The following GK5 variants were observed in gnomAD, a reference collection of about 807,000 sequenced individuals.
GK5 encodes glycerol kinase 5, also known as ATP:glycerol 3-phosphotransferase 5.
Under a neutral mutation model 77.3 loss-of-function variants are expected in GK5, and 39 were observed. The observed-to-expected ratio is 0.50, with a 90% CI of 0.39 to 0.66. The LOEUF (loss-of-function observed/expected upper bound fraction) is 0.66. Among genes scored for constraint, GK5 ranks in the 30% least tolerant of loss-of-function variants. GK5 has a pLI of 0.00. For missense variants in GK5, 487 were observed against 633.8 expected, an observed-to-expected ratio of 0.77 and a Z score of 2.49; for synonymous variants, 211 against 208.0, an observed-to-expected ratio of 1.01 and a Z score of -0.13.
intron 2 of GK5, among the ~76,000 whole-genome samples, chr3:142,215,141 G>A (rs1411159967): frequency 6.6e-6 from 1 of 152,108 alleles, no homozygotes; most frequent in Admixed American, 6.5e-5. Context: ...CATTCTTAAA[G>A]AACTAAGACT....
At chr3:142,176,907 C>T (rs1000232643) in intron 12 of GK5, among the ~76,000 whole-genome samples, 11 of 151,942 alleles carry the variant, frequency 7.2e-5, no homozygotes, top group Admixed American at 2.0e-4. Context: ...GTGATCCACC[C>T]GCCTCGGCCT....
rs527328894 is a variant in GK5, at chr3:142,168,225, G to A, written c.1441+2100C>T. Among the ~76,000 whole-genome samples, 8 of 152,144 alleles carry A rather than the reference G, an allele frequency of 5.3e-5. 1 individual carries two copies. The South Asian group carries it at 1.0e-3, about 20-fold the overall frequency. Reference sequence around the variant, plus strand: ...CAATTTGTTTGTTGTTTAAGTATTCGTGATTTACCTTGTTACAGTTCTAAG... The same window carrying A: ...CAATTTGTTTGTTGTTTAAGTATTCATGATTTACCTTGTTACAGTTCTAAG... On this transcript the variant is annotated intron_variant, in intron 15 of 15. Transcript: ENST00000392993.
At chr3:142,190,114 A>AAAT (rs1484157392) in intron 5 of GK5, among the ~76,000 whole-genome samples, 1 of 152,218 alleles carries the variant, frequency 6.6e-6, no homozygotes, top group Non-Finnish European at 1.5e-5. Flanking sequence ...TAGAACTAAA[A>AAAT]TATTAAGAAC....
At chr3:142,196,381 C>T (rs754321475) in intron 5 of GK5, among the ~76,000 whole-genome samples, 6 of 151,736 alleles carry the variant, frequency 4.0e-5, no homozygotes, top group East Asian at 1.9e-4. Context: ...TTTTCCATGT[C>T]GTAAGGTAGA....
intron 4 of GK5, chr3:142,204,180 A>G (rs1415350214): frequency 5.3e-6 from 1 of 189,248 alleles, no homozygotes; most frequent in Non-Finnish European, 1.1e-5. Flanking sequence ...CACCATGTTC[A>G]GCTAATTTTG....
chr3:142,185,823 T>C, intron 9 of GK5, 106 bp downstream of exon 9: 2 of 1,552,322 alleles, frequency 1.3e-6, no homozygotes. Context: ...ACTTTAATCT[T>C]ACTCTGCCAA....
At chr3:142,210,673 C>G (rs945984999) in intron 3 of GK5, among the ~76,000 whole-genome samples, 4 of 152,196 alleles carry the variant, frequency 2.6e-5, no homozygotes, top group African/African-American at 4.8e-5. Flanking sequence ...CAATGAATTG[C>G]TTTAGGAAGA....
chr3:142,221,140 A>G (rs2064341147), intron 1 of GK5, among the ~76,000 whole-genome samples: 1 of 152,268 alleles, frequency 6.6e-6, no homozygotes, highest in Non-Finnish European at 1.5e-5. Context: ...CTCTGAGGAT[A>G]CAGTGACAAT....
chr3:142,173,480 C>T (rs576872159), intron 12 of GK5, among the ~76,000 whole-genome samples: 12 of 152,108 alleles, frequency 7.9e-5, no homozygotes, highest in African/African-American at 2.4e-4. Context: ...GTCAGGAGTT[C>T]GAAACCAGCC....
intron 9 of GK5, chr3:142,185,634 C>G: frequency 1.7e-6 from 2 of 1,176,016 alleles, no homozygotes; most frequent in Non-Finnish European, 2.1e-6. Context: ...CTAAATACCA[C>G]TCAGAATTAA....
chr3:142,200,087 C>CTA (rs746964293), intron 4 of GK5, among the ~76,000 whole-genome samples: 2,418 of 149,394 alleles, frequency 0.016, 27 homozygotes, highest in Non-Finnish European at 0.021. Flanking sequence ...TTCTTTATTT[C>CTA]TATATATATA....
chr3:142,198,057 T>C (rs1577133441), intron 5 of GK5, among the ~76,000 whole-genome samples: 2 of 149,980 alleles, frequency 1.3e-5, no homozygotes, highest in African/African-American at 4.9e-5. Context: ...TATATACACA[T>C]TCATGCCCTA....
rs987930831 is a variant in GK5 at position 142,162,157 on chromosome 3, C to T, written c.*3465G>A. On this transcript the variant is annotated 3_prime_UTR_variant, in exon 16 of 16. Coordinates refer to ENST00000392993, the MANE Select transcript of GK5 (RefSeq NM_001039547.3). ...TAGATACCCTATTTATTTCAAGATA[C>T]GATTAACTAATTTTTTTGCTAACAA... The T allele has an allele frequency of 2.6e-5, 4 of 152,060 alleles. No individual in the cohort carries two copies. Among genetic ancestry groups the T allele is most frequent in the Non-Finnish European group, 2.9e-5 (2 of 68,018 alleles). 9.4% of individuals were successfully genotyped at this position (152,060 alleles called of 1,614,324 possible).
At position 142,197,350 on chromosome 3, in the gene GK5, C is replaced by G. The variant is rs116312207; in HGVS notation, c.543+1452G>C. On this transcript the variant is annotated intron_variant, in intron 5 of 15. Coordinates refer to ENST00000392993, the MANE Select transcript of GK5 (RefSeq NM_001039547.3). Reference sequence around the variant, plus strand: ...TATATATTTATGATGAATTCACCATCTTATCATTATAAAATTCCCTTTTTA... The same window carrying G: ...TATATATTTATGATGAATTCACCATGTTATCATTATAAAATTCCCTTTTTA... Among the ~76,000 whole-genome samples the G allele has an allele frequency of 7.2e-3, 1,099 of 152,252 alleles. 21 individuals carry two copies. Among genetic ancestry groups the G allele is most frequent in the African/African-American group, 0.025 (1,058 of 41,552 alleles).
At chr3:142,187,566 T>G in intron 6 of GK5, 138 bp downstream of exon 6, 1 of 647,602 alleles carries the variant, frequency 1.5e-6, no homozygotes. Flanking sequence ...GATTACACCA[T>G]TGCACTCCCG....
intron 5 of GK5, among the ~76,000 whole-genome samples, chr3:142,194,163 T>C (rs1427069748): frequency 6.6e-6 from 1 of 152,152 alleles, no homozygotes; most frequent in African/African-American, 2.4e-5. Flanking sequence ...GGTGGGAAGA[T>C]TACTTGAGCC....
intron 1 of GK5, among the ~76,000 whole-genome samples, chr3:142,222,569 A>C (rs1347381499): frequency 6.6e-6 from 1 of 152,182 alleles, no homozygotes; most frequent in Non-Finnish European, 1.5e-5. Context: ...ATCTCAAAAA[A>C]AAAAAAAATT....
At chr3:142,171,639 T>C (rs868491915) in intron 13 of GK5, among the ~76,000 whole-genome samples, 161 bp from the exon 14 acceptor site, 1 of 152,194 alleles carries the variant, frequency 6.6e-6, no homozygotes, top group Non-Finnish European at 1.5e-5. Context: ...AAATGGAAAC[T>C]GTATAACAGA....
intron 1 of GK5, among the ~76,000 whole-genome samples, chr3:142,218,793 A>C (rs1022400386): frequency 2.6e-5 from 4 of 152,206 alleles, no homozygotes; most frequent in African/African-American, 9.6e-5. Context: ...GATACTGTTA[A>C]GAAAATAAAA....
Sources: gnomAD v4.1 joint callset for allele counts (sites outside exome capture counted in the v4.1 genomes callset) on GRCh38, gnomAD v4.1.1 for gene constraint, MANE v1.5 for transcripts, NCBI Gene and HGNC (gene_info 2026-07-23, HGNC 2026-07-21) for gene names.